Variants in WNT3 observed in about 807,000 individuals in gnomAD.
The protein encoded by WNT3 is proto-oncogene Wnt-3.
Under a neutral mutation model 34.2 loss-of-function variants are expected in WNT3, and 7 were observed. The observed-to-expected ratio is 0.20, with a 90% CI of 0.12 to 0.38. The LOEUF (loss-of-function observed/expected upper bound fraction) is 0.38. Among genes scored for constraint, WNT3 ranks in the 10% least tolerant of loss-of-function variants. The pLI is 1.00. For synonymous variants in WNT3, 212 were observed against 211.5 expected (o/e 1.00, Z -0.02); for missense variants, 267 against 499.8 (o/e 0.53, Z 4.44).
At chr17:46,805,870 G>GTGGTC (rs2084187824) in intron 1 of WNT3, among the ~76,000 whole-genome samples, 2 of 152,234 alleles carry the variant, frequency 1.3e-5, no homozygotes, top group African/African-American at 4.8e-5. Flanking sequence ...GTGGTGTGGT[G>GTGGTC]TGGTGTCACT....
chr17:46,788,316 A>AAGTC (rs1344936866), intron 1 of WNT3, among the ~76,000 whole-genome samples: 1 of 152,184 alleles, frequency 6.6e-6, no homozygotes, highest in African/African-American at 2.4e-5. Flanking sequence ...TCCAAACCCT[A>AAGTC]AGTCAGTCTC....
chr17:46,781,679 T>G lies in WNT3; in HGVS notation c.81-7770A>C, dbSNP rs369641777. Among the ~76,000 whole-genome samples the G allele has an allele frequency of 2.0e-5, 3 of 152,174 alleles. No individual in the cohort carries two copies. In the East Asian group the frequency reaches 5.8e-4, roughly 29 times the overall value. ...TGGTGATGGTCACACAGCATTGGAA[T>G]GTACTTAATGCCACTGAATAGTACA... On this transcript the variant is annotated intron_variant, in intron 1 of 4. Coordinates refer to ENST00000225512, the MANE Select transcript of WNT3 (RefSeq NM_030753.5).
chr17:46,763,666 C>T lies in WNT3; in HGVS notation c.*964G>A, dbSNP rs1451803908. 1 of 152,034 alleles carries T rather than the reference C, an allele frequency of 6.6e-6. No homozygotes were observed. Among genetic ancestry groups the T allele is most frequent in the Non-Finnish European group, 1.5e-5 (1 of 68,028 alleles). The allele number at this position is 152,034 out of a possible 1,614,324, so 9.4% of individuals were successfully genotyped here. A position where few individuals can be genotyped will look rare whatever the true frequency, so the allele number is the denominator to read the frequency against. On this transcript the variant is annotated 3_prime_UTR_variant, in exon 5 of 5. Transcript: ENST00000225512. ...AACTTATACTAAGGTGACCTGGAGT[C>T]CAACTGCTCTACCTGGAGTTATTTG...
intron 1 of WNT3, among the ~76,000 whole-genome samples, chr17:46,801,985 T>C (rs1480258358): frequency 1.3e-5 from 2 of 152,238 alleles, no homozygotes; most frequent in Non-Finnish European, 2.9e-5. Context: ...TCATGCCAGG[T>C]TCACAAACTG....
chr17:46,810,859 G>A (rs2084265146), intron 1 of WNT3, among the ~76,000 whole-genome samples: 2 of 152,092 alleles, frequency 1.3e-5, no homozygotes, highest in South Asian at 4.1e-4. Flanking sequence ...TATCAAGATG[G>A]TGGCAGAGCC....
chr17:46,804,267 T>C (rs1230824898), intron 1 of WNT3, among the ~76,000 whole-genome samples: 1 of 152,098 alleles, frequency 6.6e-6, no homozygotes, highest in East Asian at 1.9e-4. Flanking sequence ...TTTGTATTTT[T>C]AGTAGAGACG....
At chr17:46,766,172 G>A (rs564229865) in intron 4 of WNT3, among the ~76,000 whole-genome samples, 1 of 152,318 alleles carries the variant, frequency 6.6e-6, no homozygotes, top group Non-Finnish European at 1.5e-5. Flanking sequence ...ACTTTGAGGG[G>A]CCAAGACGGG....
In WNT3 at chr17:46,795,880, T is replaced by A. The variant is rs73987044; in HGVS notation, c.81-21971A>T. ...CTGTCTCTGTCTCTCCCTCTCTCTC[T>A]CACACACACACACATGCATGCACGC... On this transcript the variant is annotated intron_variant, in intron 1 of 4. Transcript: ENST00000225512. 7.9e-3 allele frequency among the ~76,000 whole-genome samples: 1,196 copies of A among 151,944 alleles called. 12 individuals are homozygous for A. Among genetic ancestry groups the A allele is most frequent in the African/African-American group, 0.027 (1,130 of 41,442 alleles).
rs2084386276 is a variant in WNT3 at position 46,818,676 on chromosome 17, C to T, written c.-79G>A. The T allele has an allele frequency of 7.5e-7, 1 of 1,340,804 alleles. No individual in the cohort carries two copies. Among genetic ancestry groups the T allele is most frequent in the Non-Finnish European group, 1.0e-6 (1 of 955,232 alleles). 83.1% of individuals were successfully genotyped at this position (1,340,804 alleles called of 1,614,324 possible). A position where few individuals can be genotyped will look rare whatever the true frequency, so the allele number is the denominator to read the frequency against. ...CGCCCCCAATAGTTGGAACAAAGTCCACTTGAGATTGGAAATGACTTTCGG... is the reference window on the plus strand; with the variant it reads ...CGCCCCCAATAGTTGGAACAAAGTCTACTTGAGATTGGAAATGACTTTCGG... On this transcript the variant is annotated 5_prime_UTR_variant, in exon 1 of 5. Coordinates refer to ENST00000225512, the MANE Select transcript of WNT3 (RefSeq NM_030753.5).
intron 1 of WNT3, among the ~76,000 whole-genome samples, chr17:46,798,589 GCA>G (rs753440082): frequency 2.0e-5 from 3 of 152,184 alleles, no homozygotes; most frequent in Non-Finnish European, 2.9e-5. Context: ...AAGGTTGGAT[GCA>G]CACAGTGACT....
intron 3 of WNT3, 94 bp downstream of exon 3, chr17:46,769,689 G>T: frequency 1.3e-6 from 2 of 1,539,620 alleles, no homozygotes; most frequent in South Asian, 1.1e-5. Context: ...GACCCACAGG[G>T]CTGCCGGAAG....
At chr17:46,802,427 G>A (rs1046328737) in intron 1 of WNT3, among the ~76,000 whole-genome samples, 1 of 152,066 alleles carries the variant, frequency 6.6e-6, no homozygotes, top group Non-Finnish European at 1.5e-5. Context: ...CACCATGCTC[G>A]GCTAATTTTT....
chr17:46,789,991 G>T (rs751732822), intron 1 of WNT3, among the ~76,000 whole-genome samples: 1 of 152,158 alleles, frequency 6.6e-6, no homozygotes, highest in African/African-American at 2.4e-5. Context: ...GGTGAAGACA[G>T]CCCTGCCCAG....
Position 46,770,225 on chromosome 17 carries a change from T to C in WNT3, c.323-177A>G, listed in dbSNP as rs748945027. 8.5e-5 allele frequency among the ~76,000 whole-genome samples: 13 copies of C among 152,316 alleles called. No homozygotes were observed. In the East Asian group the frequency reaches 2.3e-3, roughly 27 times the overall value. On this transcript the variant is annotated intron_variant, in intron 2 of 4. Transcript: ENST00000225512. Reference sequence around the variant, plus strand: ...CCCTCTTTGGCTGGTTTAGACCCAGTTGGGTATTCCCACTTCACCGATGAG... The same window carrying C: ...CCCTCTTTGGCTGGTTTAGACCCAGCTGGGTATTCCCACTTCACCGATGAG...
intron 4 of WNT3, among the ~76,000 whole-genome samples, chr17:46,766,252 A>T (rs2059311747): frequency 6.6e-6 from 1 of 152,096 alleles, no homozygotes. Context: ...TACTAAAAAT[A>T]AAAAAATTAG....
intron 1 of WNT3, among the ~76,000 whole-genome samples, chr17:46,789,101 G>A (rs1020325453): frequency 1.2e-4 from 19 of 152,172 alleles, no homozygotes; most frequent in South Asian, 4.1e-4. Context: ...TATGCTGGAC[G>A]CCGGGAGCAC....
intron 1 of WNT3, among the ~76,000 whole-genome samples, chr17:46,791,316 C>T (rs2083983756): frequency 1.3e-5 from 2 of 151,950 alleles, no homozygotes; most frequent in African/African-American, 4.8e-5. Flanking sequence ...CAGGTTCAAG[C>T]GATTCTCCTC....
chr17:46,797,742 C>CTATCT (rs957085221), intron 1 of WNT3, among the ~76,000 whole-genome samples: 16 of 152,128 alleles, frequency 1.1e-4, no homozygotes, highest in African/African-American at 3.9e-4. Flanking sequence ...TAAAGATGGA[C>CTATCT]TATTATGCAA....
intron 1 of WNT3, among the ~76,000 whole-genome samples, chr17:46,815,043 A>G (rs2084323127): frequency 1.3e-5 from 2 of 152,154 alleles, no homozygotes; most frequent in African/African-American, 4.8e-5. Flanking sequence ...ATGGGTGGCC[A>G]CTGGTCCTCA....
Sources: gnomAD v4.1 joint callset for allele counts (sites outside exome capture counted in the v4.1 genomes callset) on GRCh38, gnomAD v4.1.1 for gene constraint, MANE v1.5 for transcripts, NCBI Gene and HGNC (gene_info 2026-07-23, HGNC 2026-07-21) for gene names.